The following KIAA0825 variants were observed in gnomAD, a reference collection of about 807,000 sequenced individuals.
KIAA0825 encodes KIAA0825.
In KIAA0825, 119 loss-of-function variants were observed where a neutral mutation model predicts 147.6. That is an observed-to-expected ratio of 0.81 (90% CI 0.69 to 0.94). The LOEUF (loss-of-function observed/expected upper bound fraction) is 0.94. Among genes scored for constraint, KIAA0825 ranks in the 40% least tolerant of loss-of-function variants. The probability of loss-of-function intolerance (pLI) is 0.00; values close to 1 mark genes in which losing one functional copy is unlikely to be tolerated. For missense variants in KIAA0825, 1,381 were observed against 1,472.7 expected, an observed-to-expected ratio of 0.94 and a Z score of 1.02; for synonymous variants, 470 against 518.1, an observed-to-expected ratio of 0.91 and a Z score of 1.26.
At chr5:94,468,266 A>T (rs754642372) in intron 10 of KIAA0825, among the ~76,000 whole-genome samples, 2 of 152,226 alleles carry the variant, frequency 1.3e-5, no homozygotes, top group East Asian at 3.8e-4. Context: ...ATAAGAGGAA[A>T]CATAATACCC....
At chr5:94,535,493 CAAAAAAAA>C (rs11362220) in intron 3 of KIAA0825, among the ~76,000 whole-genome samples, 12 of 32,136 alleles carry the variant, frequency 3.7e-4, no homozygotes, top group African/African-American at 6.5e-4. Context: ...CTGGGTGACT[CAAAAAAAA>C]AAAAAAAAAA....
At chr5:94,361,665 AT>A (rs1193323520) in intron 20 of KIAA0825, among the ~76,000 whole-genome samples, 1 of 152,214 alleles carries the variant, frequency 6.6e-6, no homozygotes, top group African/African-American at 2.4e-5. Flanking sequence ...ACAAGCATCT[AT>A]ATGTACATAC....
At chr5:94,210,019 A>G (rs534795302) in intron 20 of KIAA0825, among the ~76,000 whole-genome samples, 5 of 152,342 alleles carry the variant, frequency 3.3e-5, no homozygotes, top group Admixed American at 1.3e-4. Flanking sequence ...CAACCCATCA[A>G]TAGAAAATAA....
chr5:94,177,942 T>C (rs777051310), intron 20 of KIAA0825, among the ~76,000 whole-genome samples: 5 of 152,094 alleles, frequency 3.3e-5, no homozygotes, highest in Non-Finnish European at 7.4e-5. Context: ...TTTGGACAAG[T>C]AATCAAATGA....
At chr5:94,342,451 A>G (rs1782523912) in intron 20 of KIAA0825, among the ~76,000 whole-genome samples, 1 of 152,224 alleles carries the variant, frequency 6.6e-6, no homozygotes, top group African/African-American at 2.4e-5. Context: ...AGTCAGTATC[A>G]AAATATCAGG....
intron 20 of KIAA0825, among the ~76,000 whole-genome samples, chr5:94,240,287 A>G (rs1365244142): frequency 2.2e-4 from 34 of 152,220 alleles, no homozygotes; most frequent in Non-Finnish European, 2.9e-5. Context: ...GATAGTATGA[A>G]AGAAGTATTA....
In KIAA0825 at chr5:94,323,080, G is replaced by A. The variant is rs1407807126; in HGVS notation, c.3710+61288C>T. On this transcript the variant is annotated intron_variant, in intron 20 of 20. Coordinates refer to ENST00000682413, the MANE Select transcript of KIAA0825 (RefSeq NM_001145678.3). ...TAAACAAAACTAAGGCCTATTTACT[G>A]CTCGATGGATATGGCTTTCGAACAC... Among the ~76,000 whole-genome samples, 5 of 151,914 alleles carry A rather than the reference G, an allele frequency of 3.3e-5. No homozygotes were observed. The East Asian group carries it at 9.7e-4, about 29-fold the overall frequency.
chr5:94,584,307 A>C (rs768818216), intron 1 of KIAA0825, among the ~76,000 whole-genome samples: 2 of 152,226 alleles, frequency 1.3e-5, no homozygotes, highest in African/African-American at 2.4e-5. Flanking sequence ...GGTTAGACGA[A>C]TGGCTAACTA....
Position 94,477,134 on chromosome 5 carries a change from C to G in KIAA0825, c.1204G>C (p.Glu402Gln), listed in dbSNP as rs760484118. Residue 402 changes from glutamate to glutamine, a missense_variant, in exon 7 of 21, where the codon GAG (glutamate) becomes CAG (glutamine). Transcript: ENST00000682413. ...ACCTCTTTTCCTGGTAGTGATTGCT[C>G]GGAAGGAATATTGGTTTCGTTTGCT... ...PRANETNIPS[E>Q]QSLPGKEATL... is the part of the protein sequence containing the mutation. 2 of 1,550,256 alleles carry G rather than the reference C, an allele frequency of 1.3e-6. No homozygotes were observed. The highest frequency in any genetic ancestry group is 1.2e-5 in the South Asian group (1 of 83,960).
chr5:94,564,289 G>A (rs552585471), intron 2 of KIAA0825, among the ~76,000 whole-genome samples: 5 of 136,034 alleles, frequency 3.7e-5, no homozygotes, highest in South Asian at 2.3e-4. Context: ...ATAGCCTACT[G>A]CAGCCTTGAC....
chr5:94,300,543 C>T (rs1326477299), intron 20 of KIAA0825, among the ~76,000 whole-genome samples: 1 of 151,900 alleles, frequency 6.6e-6, no homozygotes, highest in Non-Finnish European at 1.5e-5. Flanking sequence ...CAAACATGTA[C>T]TCTTGGTAGA....
chr5:94,524,465 T>C (rs1212659861), intron 3 of KIAA0825, among the ~76,000 whole-genome samples: 1 of 151,712 alleles, frequency 6.6e-6, no homozygotes, highest in Non-Finnish European at 1.5e-5. Flanking sequence ...ATACATTATC[T>C]ACTAAGAGGT....
At chr5:94,395,488 C>G (rs1179167811) in intron 17 of KIAA0825, among the ~76,000 whole-genome samples, 1 of 152,154 alleles carries the variant, frequency 6.6e-6, no homozygotes, top group Non-Finnish European at 1.5e-5. Flanking sequence ...CATATTTCAA[C>G]TCATCAGGGA....
At chr5:94,553,964 C>A (rs1776054855) in intron 2 of KIAA0825, among the ~76,000 whole-genome samples, 1 of 152,116 alleles carries the variant, frequency 6.6e-6, no homozygotes, top group Non-Finnish European at 1.5e-5. Flanking sequence ...TTTTCTTGTC[C>A]CTTGGACTGT....
intron 20 of KIAA0825, among the ~76,000 whole-genome samples, chr5:94,256,247 T>C (rs375646723): frequency 3.9e-4 from 59 of 152,254 alleles, no homozygotes; most frequent in African/African-American, 1.3e-3. Flanking sequence ...AGATGGACCA[T>C]CAACAAGTTT....
intron 5 of KIAA0825, among the ~76,000 whole-genome samples, chr5:94,505,904 T>G (rs1027349775): frequency 1.3e-5 from 2 of 152,232 alleles, no homozygotes; most frequent in East Asian, 3.8e-4. Flanking sequence ...GCTGGCAGCA[T>G]GTCAGTCTCA....
intron 3 of KIAA0825, among the ~76,000 whole-genome samples, chr5:94,533,518 G>A (rs1345440181): frequency 4.6e-5 from 7 of 151,470 alleles, no homozygotes; most frequent in South Asian, 2.1e-4. Context: ...TTTGTGATCC[G>A]CCCGCCTCAG....
At chr5:94,463,253 G>A (rs912457927) in intron 11 of KIAA0825, among the ~76,000 whole-genome samples, 1 of 151,418 alleles carries the variant, frequency 6.6e-6, no homozygotes, top group Non-Finnish European at 1.5e-5. Flanking sequence ...ACAGACCTCA[G>A]TTAGTTTCTT....
chr5:94,302,657 G>C (rs1778484373), intron 20 of KIAA0825, among the ~76,000 whole-genome samples: 1 of 151,832 alleles, frequency 6.6e-6, no homozygotes, highest in Non-Finnish European at 1.5e-5. Flanking sequence ...ATTTTTATAT[G>C]ATTGTATGAA....
Sources: gnomAD v4.1 joint callset for allele counts (sites outside exome capture counted in the v4.1 genomes callset) on GRCh38, gnomAD v4.1.1 for gene constraint, MANE v1.5 for transcripts, NCBI Gene and HGNC (gene_info 2026-07-23, HGNC 2026-07-21) for gene names.